Variants in FNBP1 observed in about 807,000 individuals in gnomAD.
FNBP1 encodes formin-binding protein 1.
Under a neutral mutation model 90.6 loss-of-function variants are expected in FNBP1, and 26 were observed. The observed-to-expected ratio is 0.29, with a 90% CI of 0.21 to 0.40. The LOEUF is 0.40. Ranked by LOEUF, FNBP1 falls within the 10% of genes least tolerant of loss-of-function variation. The pLI is 1.00. For missense variants in FNBP1, 635 were observed against 768.0 expected (o/e 0.83, Z 2.05); for synonymous variants, 260 against 265.2 (o/e 0.98, Z 0.19).
the FNBP1 span, among the ~76,000 whole-genome samples, chr9:130,052,598 T>C: frequency 6.6e-6 from 1 of 151,832 alleles, no homozygotes; most frequent in African/African-American, 2.4e-5. Flanking sequence ...GATGCCCCGC[T>C]AATTTTTGTA....
intron 6 of FNBP1, among the ~76,000 whole-genome samples, chr9:129,950,345 G>A (rs1405278504): frequency 2.0e-5 from 3 of 152,210 alleles, no homozygotes; most frequent in African/African-American, 7.2e-5. Context: ...TGGAAAGGAG[G>A]TAAGTGGCAC....
At chr9:129,998,451 T>C (rs920933051) in intron 1 of FNBP1, among the ~76,000 whole-genome samples, 3 of 151,426 alleles carry the variant, frequency 2.0e-5, no homozygotes, top group Non-Finnish European at 4.4e-5. Flanking sequence ...GAGGTGGAGG[T>C]TGCAGTGAGC....
At chr9:130,019,847 C>T (rs1426285072) in intron 1 of FNBP1, among the ~76,000 whole-genome samples, 3 of 152,014 alleles carry the variant, frequency 2.0e-5, no homozygotes, top group Non-Finnish European at 2.9e-5. Flanking sequence ...CGTGAGCCAC[C>T]GCGCCCGGCC....
At position 129,900,125 on chromosome 9, in the gene FNBP1, A is replaced by G. The variant is rs894463845; in HGVS notation, c.1551-24T>C. On this transcript the variant is annotated intron_variant, in intron 14 of 16. Transcript: ENST00000446176. This position sits in a 1 kb window ranked among gnomAD's most constrained non-coding sequence, Gnocchi z 4.1. Reference sequence around the variant, plus strand: ...GGCTGCTCAAGAAAGGAAAACACAAAGCAACTAAAGCGACTGACCCCAGGG... The same window carrying G: ...GGCTGCTCAAGAAAGGAAAACACAAGGCAACTAAAGCGACTGACCCCAGGG... The G allele has an allele frequency of 1.3e-6, 2 of 1,576,808 alleles. No individual in the cohort carries two copies. Among genetic ancestry groups the G allele is most frequent in the Admixed American group, 3.7e-5 (2 of 53,928 alleles).
intron 6 of FNBP1, among the ~76,000 whole-genome samples, chr9:129,932,968 TA>T (rs939406904): frequency 3.3e-5 from 5 of 151,652 alleles, no homozygotes; most frequent in Admixed American, 2.0e-4. Context: ...TATGAATGTT[TA>T]AAAAAAAATT....
At chr9:129,941,279 C>G (rs1396168263) in intron 6 of FNBP1, among the ~76,000 whole-genome samples, 1 of 152,024 alleles carries the variant, frequency 6.6e-6, no homozygotes. Context: ...ATCCAGGCTA[C>G]TTGGGAGGCT....
At chr9:129,934,589 T>TG (rs2043175572) in intron 6 of FNBP1, among the ~76,000 whole-genome samples, 1 of 151,614 alleles carries the variant, frequency 6.6e-6, no homozygotes, top group Non-Finnish European at 1.5e-5. Context: ...TTTTTTTTTT[T>TG]GAGACAGAGT....
chr9:129,909,166 A>G, intron 11 of FNBP1, 167 bp from the exon 12 acceptor site: 1 of 658,232 alleles, frequency 1.5e-6, no homozygotes, highest in South Asian at 1.6e-5. Context: ...AAATCAATGC[A>G]TGCAAACTGC....
At chr9:129,931,129 C>A (rs76554307) in intron 6 of FNBP1, among the ~76,000 whole-genome samples, 1,938 of 152,054 alleles carry the variant, frequency 0.013, 18 homozygotes, top group Middle Eastern at 0.021. Context: ...CATGGTGAGA[C>A]CCCTCTCTCT....
chr9:129,904,459 G>C (rs957321684), intron 12 of FNBP1, among the ~76,000 whole-genome samples: 3 of 152,164 alleles, frequency 2.0e-5, no homozygotes, highest in Non-Finnish European at 4.4e-5. Flanking sequence ...GACTGCCAGG[G>C]TTAAGGGCCA....
At chr9:130,016,864 T>C (rs760874625) in intron 1 of FNBP1, among the ~76,000 whole-genome samples, 4 of 152,226 alleles carry the variant, frequency 2.6e-5, no homozygotes, top group Non-Finnish European at 5.9e-5. Context: ...GTTTATTATG[T>C]TGGGTTTCAG....
chr9:130,037,973 G>A (rs1421234511), intron 1 of FNBP1, among the ~76,000 whole-genome samples: 2 of 152,148 alleles, frequency 1.3e-5, no homozygotes, highest in Admixed American at 6.5e-5. Flanking sequence ...CCTCTTGAAA[G>A]TGCACACCAC....
intron 1 of FNBP1, chr9:130,013,700 T>A: frequency 2.2e-6 from 1 of 456,502 alleles, no homozygotes; most frequent in Non-Finnish European, 4.4e-6. Flanking sequence ...ACCTGCTTTG[T>A]TGTCAATGTG....
At chr9:129,898,186 G>A (rs186072918) in intron 15 of FNBP1, among the ~76,000 whole-genome samples, 137 of 152,228 alleles carry the variant, frequency 9.0e-4, no homozygotes, top group African/African-American at 3.0e-3. Context: ...CACATCTGAC[G>A]ATGACTTTCC....
At chr9:129,941,163 C>T (rs561795697) in intron 6 of FNBP1, among the ~76,000 whole-genome samples, 16 of 151,162 alleles carry the variant, frequency 1.1e-4, no homozygotes, top group South Asian at 6.3e-4. Context: ...CTGAGGCGGG[C>T]AGATCACCTG....
chr9:129,944,405 G>T (rs140010848), intron 6 of FNBP1, among the ~76,000 whole-genome samples: 12 of 151,648 alleles, frequency 7.9e-5, no homozygotes, highest in African/African-American at 2.4e-4. Context: ...GCTGGGCGTC[G>T]TGGTGGGCGC....
chr9:129,928,897 C>G (rs77809161), intron 7 of FNBP1, among the ~76,000 whole-genome samples: 1,915 of 152,072 alleles, frequency 0.013, 18 homozygotes, highest in Middle Eastern at 0.024. Context: ...TTGAGACCAT[C>G]CTGGGCAACA....
intron 10 of FNBP1, among the ~76,000 whole-genome samples, chr9:129,922,360 T>A (rs747790653): frequency 5.3e-5 from 8 of 152,220 alleles, no homozygotes; most frequent in Non-Finnish European, 1.0e-4. Context: ...TCAATCTTAA[T>A]AACAACCACT....
intron 1 of FNBP1, among the ~76,000 whole-genome samples, chr9:130,019,299 CAA>C (rs377349862): frequency 3.4e-4 from 27 of 79,106 alleles, no homozygotes; most frequent in Admixed American, 7.3e-4. Context: ...GACTCTGTCT[CAA>C]AAAAAAAAAA....
Sources: allele counts gnomAD v4.1 joint callset (sites outside exome capture counted in the v4.1 genomes callset), GRCh38; gene constraint gnomAD v4.1.1; non-coding constraint Gnocchi (gnomAD v3.1); transcripts MANE v1.5; gene names NCBI Gene and HGNC (gene_info 2026-07-23, HGNC 2026-07-21).